ZFHX4: variants seen among roughly 807,000 people sequenced by gnomAD.
ZFHX4 encodes the protein zinc finger homeobox 4, also known as zinc finger homeobox protein 4.
ZFHX4 carries 56 observed loss-of-function variants against 267.6 expected under a neutral mutation model. The observed-to-expected ratio is 0.21, with a 90% CI of 0.17 to 0.26. The LOEUF is 0.26. ZFHX4 is among the 10% of genes least tolerant of loss of function. ZFHX4 has a pLI of 1.00. For synonymous variants in ZFHX4, 1,778 were observed against 1,665.6 expected (o/e 1.07, Z -1.64); for missense variants, 4,332 against 4,420.0 (o/e 0.98, Z 0.56).
intron 9 of ZFHX4, among the ~76,000 whole-genome samples, chr8:76,850,587 T>C (rs1269438430): frequency 6.6e-6 from 1 of 152,244 alleles, no homozygotes; most frequent in Non-Finnish European, 1.5e-5. Context: ...CTGTGTGATC[T>C]AATTCATGAA....
At chr8:76,858,925 A>G (rs929811252) in intron 10 of ZFHX4, among the ~76,000 whole-genome samples, 1 of 152,184 alleles carries the variant, frequency 6.6e-6, no homozygotes, top group Admixed American at 6.5e-5. Context: ...CATTTTAAGG[A>G]TGTCCCATCC....
chr8:76,844,701 A>G (rs1227348344), intron 6 of ZFHX4, among the ~76,000 whole-genome samples: 2 of 152,142 alleles, frequency 1.3e-5, no homozygotes, highest in Non-Finnish European at 2.9e-5. Flanking sequence ...TTTAAAACAA[A>G]TTGTATCCCC....
chr8:76,832,001 G>T (rs1247170488), intron 4 of ZFHX4, among the ~76,000 whole-genome samples: 1 of 98,986 alleles, frequency 1.0e-5, no homozygotes, highest in Non-Finnish European at 2.0e-5. Context: ...GGTTTTTTTA[G>T]TGGGGGGGGG....
intron 1 of ZFHX4, among the ~76,000 whole-genome samples, chr8:76,682,134 C>T (rs1807549611): frequency 6.6e-6 from 1 of 152,262 alleles, no homozygotes; most frequent in South Asian, 2.1e-4. Context: ...CCCCTGCACC[C>T]CGATCGGGAT....
chr8:76,828,926 T>C (rs2131882069), intron 4 of ZFHX4, among the ~76,000 whole-genome samples: 1 of 152,244 alleles, frequency 6.6e-6, no homozygotes, highest in Non-Finnish European at 1.5e-5. Flanking sequence ...TGCTAAACAT[T>C]TTGTAAGAAT....
chr8:76,720,955 AC>A (rs1306867996), intron 3 of ZFHX4, among the ~76,000 whole-genome samples: 2 of 152,114 alleles, frequency 1.3e-5, no homozygotes, highest in Non-Finnish European at 2.9e-5. Context: ...CTGGTTCAGC[AC>A]CCACGTTGTT....
intron 4 of ZFHX4, among the ~76,000 whole-genome samples, chr8:76,804,065 T>G (rs1313489499): frequency 1.3e-5 from 2 of 152,156 alleles, no homozygotes; most frequent in Non-Finnish European, 2.9e-5. Flanking sequence ...GGTTTCCTTT[T>G]GATGTTTCCA....
intron 2 of ZFHX4, among the ~76,000 whole-genome samples, chr8:76,707,166 C>T (rs961273527): frequency 3.3e-5 from 5 of 152,098 alleles, no homozygotes; most frequent in Admixed American, 1.3e-4. Flanking sequence ...ATTACAGGCA[C>T]GCATACAATA....
At chr8:76,794,781 C>A (rs1474960728) in intron 4 of ZFHX4, among the ~76,000 whole-genome samples, 1 of 151,818 alleles carries the variant, frequency 6.6e-6, no homozygotes, top group Non-Finnish European at 1.5e-5. Flanking sequence ...TTTAATATAT[C>A]TTATGTGATT....
chr8:76,718,955 A>G (rs1808647824), intron 3 of ZFHX4, among the ~76,000 whole-genome samples: 1 of 151,590 alleles, frequency 6.6e-6, no homozygotes, highest in African/African-American at 2.4e-5. Context: ...ACACACACAC[A>G]CACACACACA....
chr8:76,727,852 C>T (rs750673278), intron 3 of ZFHX4, among the ~76,000 whole-genome samples: 36 of 152,180 alleles, frequency 2.4e-4, no homozygotes, highest in Middle Eastern at 3.4e-3. Context: ...TACAATAGAA[C>T]GTTCCTCCCC....
intron 3 of ZFHX4, among the ~76,000 whole-genome samples, chr8:76,715,578 A>C (rs560875198): frequency 6.6e-6 from 1 of 151,990 alleles, no homozygotes; most frequent in African/African-American, 2.4e-5. Context: ...AATGTGGTAT[A>C]ACTCTTGGGA....
intron 1 of ZFHX4, among the ~76,000 whole-genome samples, chr8:76,703,141 T>TA (rs1437812616): frequency 5.3e-5 from 8 of 151,918 alleles, no homozygotes; most frequent in Non-Finnish European, 1.0e-4. Flanking sequence ...AAAAAAACTT[T>TA]AAAAAAAATG....
intron 10 of ZFHX4, among the ~76,000 whole-genome samples, chr8:76,861,810 G>C (rs562007792): frequency 6.6e-6 from 1 of 151,182 alleles, no homozygotes; most frequent in South Asian, 2.1e-4. Context: ...ATGGAGGTAA[G>C]ACTATGACCA....
In ZFHX4 at chr8:76,851,766, G is replaced by T. The variant is rs776995625; in HGVS notation, c.4845G>T (p.Val1615=). 2.5e-6 allele frequency: 4 copies of T among 1,613,966 alleles called. No individual in the cohort carries two copies. In the Admixed American group the frequency reaches 6.7e-5, roughly 27 times the overall value. ...SSTLEIHMRS[V]LHQTKARAAK... is the part of the protein sequence containing the mutation. ...CATTGGAAATCCACATGAGGTCTGT[G>T]CTCCACCAGACAAAGGCTAGGGCTG... is the stretch of plus-strand genomic sequence containing the variant. The change falls in exon 10 of 11, where the codon GTG becomes GTT. Residue 1615 remains valine, a synonymous_variant. Coordinates refer to ENST00000651372, the MANE Select transcript of ZFHX4 (RefSeq NM_024721.5).
chr8:76,685,825 T>G (rs892690325), intron 1 of ZFHX4, among the ~76,000 whole-genome samples: 2 of 152,200 alleles, frequency 1.3e-5, no homozygotes, highest in Non-Finnish European at 2.9e-5. Context: ...TTGCATACAT[T>G]GTTGTTATAG....
intron 1 of ZFHX4, among the ~76,000 whole-genome samples, chr8:76,700,575 G>C (rs1808077121): frequency 6.6e-6 from 1 of 152,168 alleles, no homozygotes; most frequent in Non-Finnish European, 1.5e-5. Context: ...GCAGAGCAGA[G>C]TTTAGGCAGC....
intron 4 of ZFHX4, among the ~76,000 whole-genome samples, chr8:76,815,940 G>A (rs1330035369): frequency 1.3e-5 from 2 of 152,170 alleles, no homozygotes; most frequent in East Asian, 3.9e-4. Flanking sequence ...ACATGTATGA[G>A]GTAAAGGTGA....
Position 76,707,529 on chromosome 8 carries a change from A to ATTTTTTTTTTTTT in ZFHX4, c.2591-8_2591-7insTTTTTTTTTTTTT, listed in dbSNP as rs557845990. 6.7e-7 allele frequency: 1 copy of ATTTTTTTTTTTTT among 1,488,036 alleles called. No individual in the cohort carries two copies. Among genetic ancestry groups the ATTTTTTTTTTTTT allele is most frequent in the Non-Finnish European group, 8.9e-7 (1 of 1,118,644 alleles). The allele number at this position is 1,488,036 out of a possible 1,614,324, so 92.2% of individuals were successfully genotyped here. A position where few individuals can be genotyped will look rare whatever the true frequency, so the allele number is the denominator to read the frequency against. ...TTTCTAGTCTCTATTTTTCCTTTTAATTTTTTTTTCCTGTAGTAAATAATG... is the reference window on the plus strand; with the variant it reads ...TTTCTAGTCTCTATTTTTCCTTTTAATTTTTTTTTTTTTTTTTTTTTTCCTGTAGTAAATAATG... On this transcript the variant is annotated splice_polypyrimidine_tract_variant and intron_variant, in intron 2 of 10. Transcript: ENST00000651372.
Sources: allele counts gnomAD v4.1 joint callset (sites outside exome capture counted in the v4.1 genomes callset), GRCh38; gene constraint gnomAD v4.1.1; transcripts MANE v1.5; gene names NCBI Gene and HGNC (gene_info 2026-07-23, HGNC 2026-07-21).